The following SEZ6 variants were observed in gnomAD, a reference collection of about 807,000 sequenced individuals.
SEZ6 encodes the protein seizure protein 6 homolog.
A neutral mutation model predicts 101.0 loss-of-function variants in SEZ6; 53 were observed. That is an observed-to-expected ratio of 0.52 (90% CI 0.42 to 0.66). SEZ6 has a LOEUF of 0.66. SEZ6 is among the 30% of genes least tolerant of loss of function. The probability of loss-of-function intolerance (pLI) is 0.00; values close to 1 mark genes in which losing one functional copy is unlikely to be tolerated. For synonymous variants in SEZ6, 488 were observed against 512.2 expected, an observed-to-expected ratio of 0.95 and a Z score of 0.64; for missense variants, 1,102 against 1,289.4, an observed-to-expected ratio of 0.85 and a Z score of 2.23.
chr17:28,965,620 CAG>C (rs1391161581), intron 4 of SEZ6, among the ~76,000 whole-genome samples: 1 of 152,138 alleles, frequency 6.6e-6, no homozygotes, highest in East Asian at 1.9e-4. Flanking sequence ...GCCTAGGTGA[CAG>C]AGTGAGTCCC....
chr17:28,998,884 C>T (rs540978150), intron 1 of SEZ6, among the ~76,000 whole-genome samples: 16 of 152,314 alleles, frequency 1.1e-4, no homozygotes, highest in African/African-American at 3.6e-4. Flanking sequence ...GTCTCCTGTC[C>T]TTCTGGAGGC....
At chr17:28,958,962 C>T in intron 10 of SEZ6, 63 bp downstream of exon 10, 1 of 1,534,262 alleles carries the variant, frequency 6.5e-7, no homozygotes, top group Non-Finnish European at 8.8e-7. Flanking sequence ...CCTCACTGCC[C>T]TAGCCTCTTT....
chr17:28,956,079 C>T, intron 16 of SEZ6, 80 bp downstream of exon 16: 1 of 1,595,134 alleles, frequency 6.3e-7, no homozygotes, highest in Non-Finnish European at 8.6e-7. Flanking sequence ...GAGGGCTTGG[C>T]AGGACCCTCA....
In SEZ6 at chr17:28,957,250, G is replaced by A; in HGVS notation, c.2495-8C>T. ...ATGGCTTGAGCTGTTCCACTACAAA[G>A]CAGGCAGAGTGCAGTGAGGGTGTCA... On this transcript the variant is annotated splice_region_variant and splice_polypyrimidine_tract_variant and intron_variant, in intron 12 of 16. Coordinates refer to ENST00000317338, the MANE Select transcript of SEZ6 (RefSeq NM_178860.5). 6.2e-7 allele frequency: 1 copy of A among 1,613,982 alleles called. No individual in the cohort carries two copies. Among genetic ancestry groups the A allele is most frequent in the Non-Finnish European group, 8.5e-7 (1 of 1,179,854 alleles).
intron 1 of SEZ6, among the ~76,000 whole-genome samples, chr17:28,997,733 T>C (rs2152693081): frequency 6.6e-6 from 1 of 152,198 alleles, no homozygotes; most frequent in East Asian, 1.9e-4. Context: ...CCTTTGATCT[T>C]CATGCTGTTC....
At chr17:28,963,036 A>C (rs1418608435) in intron 5 of SEZ6, among the ~76,000 whole-genome samples, 1 of 151,118 alleles carries the variant, frequency 6.6e-6, no homozygotes, top group East Asian at 2.0e-4. Context: ...AGGCAGGAGA[A>C]TGGCGTGAAC....
At position 28,969,741 on chromosome 17, in the gene SEZ6, A is replaced by G. The variant is rs771872504; in HGVS notation, c.1054+16T>C. ...CGAGTCTGGGCTGGTTCCACCTTCA[A>G]CTACCCAGGCCTTACCTTGGTAATG... On this transcript the variant is annotated intron_variant, in intron 4 of 16. Coordinates refer to ENST00000317338, the MANE Select transcript of SEZ6 (RefSeq NM_178860.5). The G allele has an allele frequency of 6.8e-7, 1 of 1,462,128 alleles. No homozygotes were observed. Among genetic ancestry groups the G allele is most frequent in the Admixed American group, 3.0e-5 (1 of 33,488 alleles). The allele number at this position is 1,462,128 out of a possible 1,614,324, so 90.6% of individuals were successfully genotyped here. A position where few individuals can be genotyped will look rare whatever the true frequency, so the allele number is the denominator to read the frequency against.
intron 3 of SEZ6, among the ~76,000 whole-genome samples, chr17:28,974,116 G>A (rs2041189311): frequency 6.6e-6 from 1 of 152,196 alleles, no homozygotes; most frequent in Non-Finnish European, 1.5e-5. Context: ...TCCAGCACGT[G>A]CCCTAATGGC....
rs2040858767 is a variant in SEZ6 at position 28,955,008 on chromosome 17, C to T, written c.*954G>A. The T allele has an allele frequency of 7.3e-6, 1 of 136,866 alleles. No individual in the cohort carries two copies. Among genetic ancestry groups the T allele is most frequent in the South Asian group, 2.5e-4 (1 of 3,966 alleles). 8.5% of individuals were successfully genotyped at this position (136,866 alleles called of 1,614,324 possible). A position where few individuals can be genotyped will look rare whatever the true frequency, so the allele number is the denominator to read the frequency against. On this transcript the variant is annotated 3_prime_UTR_variant, in exon 17 of 17. Transcript: ENST00000317338. The stretch of plus-strand genomic sequence containing the variant: ...GCTGGAGCCCAGACCCCATATAATA[C>T]ATTACATGTACAAAGTGGCTTTCAG...
rs1319421805 is a variant in SEZ6 at position 28,956,009 on chromosome 17, A to G, written c.2953-15T>C. On this transcript the variant is annotated splice_polypyrimidine_tract_variant and intron_variant, in intron 16 of 16. Coordinates refer to ENST00000317338, the MANE Select transcript of SEZ6 (RefSeq NM_178860.5). ...AAGGAAAGAGACTGCTGGGAGTTGG[A>G]AACTTGTATTAGGTTTGCCAGGCCA... is the stretch of plus-strand genomic sequence containing the variant. 2 of 1,612,330 alleles carry G rather than the reference A, an allele frequency of 1.2e-6. No individual in the cohort carries two copies. The highest frequency in any genetic ancestry group is 1.3e-5 in the African/African-American group (1 of 74,846).
chr17:28,997,966 C>T (rs964985178), intron 1 of SEZ6, among the ~76,000 whole-genome samples: 2 of 152,154 alleles, frequency 1.3e-5, no homozygotes, highest in African/African-American at 4.8e-5. Context: ...CCTGCCCCCA[C>T]CCCCAGGCTC....
chr17:28,983,021 A>T (rs1236291457), intron 1 of SEZ6, among the ~76,000 whole-genome samples: 1 of 152,176 alleles, frequency 6.6e-6, no homozygotes, highest in Non-Finnish European at 1.5e-5. Context: ...TTCTCAGGAA[A>T]TCATTTCTTT....
At chr17:28,963,830 A>C in intron 5 of SEZ6, 132 bp downstream of exon 5, 1 of 1,039,580 alleles carries the variant, frequency 9.6e-7, no homozygotes, top group South Asian at 1.4e-5. Context: ...GATGAATGCC[A>C]CTGAGGTGCA....
In SEZ6 at chr17:29,005,886, G is replaced by A; in HGVS notation, c.-17C>T. 1.4e-6 allele frequency: 2 copies of A among 1,443,664 alleles called. No homozygotes were observed. Among genetic ancestry groups the A allele is most frequent in the Non-Finnish European group, 1.8e-6 (2 of 1,096,046 alleles). 89.4% of individuals were successfully genotyped at this position (1,443,664 alleles called of 1,614,324 possible). A position where few individuals can be genotyped will look rare whatever the true frequency, so the allele number is the denominator to read the frequency against. On this transcript the variant is annotated 5_prime_UTR_variant, in exon 1 of 17. Transcript: ENST00000317338. This position sits in a 1 kb window ranked among gnomAD's most constrained non-coding sequence, Gnocchi z 4.8. ...CGGGCGCATGGTGCTGGTTGCGGCCGCGCCCTGGGCTGGGACCGCGGCGGG... is the reference window on the plus strand; with the variant it reads ...CGGGCGCATGGTGCTGGTTGCGGCCACGCCCTGGGCTGGGACCGCGGCGGG...
chr17:28,987,276 T>C (rs2041397338), intron 1 of SEZ6, among the ~76,000 whole-genome samples: 1 of 152,182 alleles, frequency 6.6e-6, no homozygotes, highest in African/African-American at 2.4e-5. Flanking sequence ...ACCCCTATTA[T>C]CCGAGAACCT....
intron 1 of SEZ6, among the ~76,000 whole-genome samples, chr17:28,996,437 A>G (rs1455923473): frequency 6.6e-6 from 1 of 151,800 alleles, no homozygotes; most frequent in African/African-American, 2.4e-5. Flanking sequence ...CTGGCCCTTC[A>G]CTTCCCCAGC....
At chr17:28,988,192 C>T (rs2041408896) in intron 1 of SEZ6, among the ~76,000 whole-genome samples, 1 of 152,232 alleles carries the variant, frequency 6.6e-6, no homozygotes, top group South Asian at 2.1e-4. Context: ...TTTGTCTCTG[C>T]AAAACCTCCC....
rs1477393120 is a variant in SEZ6, at chr17:28,959,155, C to T, written c.1977G>A (p.Leu659=). Residue 659 remains leucine (L), a synonymous_variant, in exon 10 of 17, where the codon CTG becomes CTA. Transcript: ENST00000317338. The surrounding 1 kb of genome is among the most constrained non-coding windows in gnomAD (Gnocchi z 4.4). ...GGCTACGGGGCCCTGAGTACTGGCC[C>T]AGAACCCGGGCCGTCAGGTCATCCC... is the stretch of plus-strand genomic sequence containing the variant. ...YDGDDLTARV[L]GQYSGPRSHF... is the part of the protein sequence containing the mutation. The T allele has an allele frequency of 3.1e-5, 50 of 1,613,794 alleles. No homozygotes were observed. The highest frequency in any genetic ancestry group is 4.2e-5 in the Non-Finnish European group (49 of 1,179,800).
intron 1 of SEZ6, among the ~76,000 whole-genome samples, chr17:28,999,260 G>A (rs1027451623): frequency 2.0e-5 from 3 of 152,122 alleles, no homozygotes; most frequent in Non-Finnish European, 4.4e-5. Context: ...AAATGGCTGA[G>A]CAAAACTGTA....
Sources: gnomAD v4.1 joint callset for allele counts (sites outside exome capture counted in the v4.1 genomes callset) on GRCh38, gnomAD v4.1.1 for gene constraint, Gnocchi (gnomAD v3.1) non-coding constraint, MANE v1.5 for transcripts, NCBI Gene and HGNC (gene_info 2026-07-23, HGNC 2026-07-21) for gene names.